The following G3BP2 variants were observed in gnomAD, a reference collection of about 807,000 sequenced individuals.
G3BP2 encodes G3BP stress granule assembly factor 2, also known as ras GTPase-activating protein-binding protein 2.
G3BP2 carries 11 observed loss-of-function variants against 56.7 expected under a neutral mutation model. The observed-to-expected ratio is 0.19, with a 90% confidence interval of 0.12 to 0.32. The LOEUF (loss-of-function observed/expected upper bound fraction) is 0.32, where lower values mean the gene tolerates loss of function less well. Ranked by LOEUF, G3BP2 falls within the 10% of genes least tolerant of loss-of-function variation. The probability of loss-of-function intolerance (pLI) is 1.00; values close to 1 mark genes in which losing one functional copy is unlikely to be tolerated. For synonymous variants in G3BP2, 165 were observed against 191.6 expected (o/e 0.86, Z 1.15); for missense variants, 340 against 610.9 (o/e 0.56, Z 4.67).
chr4:75,718,241 T>TC (rs933457233), intron 3 of G3BP2, among the ~76,000 whole-genome samples: 3 of 148,606 alleles, frequency 2.0e-5, no homozygotes, highest in African/African-American at 7.4e-5. Context: ...TTTCTTTCTT[T>TC]TTTTTTTTTA....
intron 1 of G3BP2, among the ~76,000 whole-genome samples, chr4:75,723,357 T>G (rs1720256248): frequency 6.6e-6 from 1 of 152,142 alleles, no homozygotes; most frequent in South Asian, 2.1e-4. Flanking sequence ...CACCCAAGGA[T>G]GGACTGGAGA....
intron 3 of G3BP2, among the ~76,000 whole-genome samples, chr4:75,709,438 A>C (rs965103720): frequency 7.6e-4 from 115 of 150,946 alleles, no homozygotes; most frequent in African/African-American, 2.8e-3. Flanking sequence ...AAAAAAAAAA[A>C]AAAACCTACT....
chr4:75,666,452 T>C (rs1733041276), intron 1 of G3BP2, among the ~76,000 whole-genome samples: 1 of 152,218 alleles, frequency 6.6e-6, no homozygotes, highest in South Asian at 2.1e-4. Flanking sequence ...CAAGATTTAC[T>C]GAGAGAACAG....
intron 2 of G3BP2, among the ~76,000 whole-genome samples, chr4:75,660,428 CTG>C (rs1732458557): frequency 6.6e-6 from 1 of 152,086 alleles, no homozygotes; most frequent in African/African-American, 2.4e-5. Context: ...CTACTCAAAA[CTG>C]GGCCTGAATA....
chr4:75,681,881 T>A (rs967263671), intron 3 of G3BP2, among the ~76,000 whole-genome samples: 4 of 151,002 alleles, frequency 2.6e-5, no homozygotes, highest in Non-Finnish European at 5.9e-5. Flanking sequence ...TATAACAATA[T>A]GCCAGCATCA....
At chr4:75,666,458 AAC>A (rs1343468379) in intron 1 of G3BP2, among the ~76,000 whole-genome samples, 1 of 152,204 alleles carries the variant, frequency 6.6e-6, no homozygotes, top group Non-Finnish European at 1.5e-5. Flanking sequence ...TTACTGAGAG[AAC>A]AGTGTTTCAA....
At chr4:75,645,953 G>A (rs1373925868) in intron 11 of G3BP2, among the ~76,000 whole-genome samples, 1 of 152,028 alleles carries the variant, frequency 6.6e-6, no homozygotes, top group Non-Finnish European at 1.5e-5. Flanking sequence ...TGGGATTATA[G>A]GTGTCTACCA....
chr4:75,721,407 T>A lies in G3BP2; in HGVS notation c.-117-438A>T, dbSNP rs1172979449. On this transcript the variant is annotated intron_variant, in intron 2 of 3. Coordinates refer to the G3BP2 transcript ENST00000499709. ...ACTACTGGCTGGGAATACAGGCGCATGCCACCATGCTCAGCTAATATTTTA... is the reference window on the plus strand; with the variant it reads ...ACTACTGGCTGGGAATACAGGCGCAAGCCACCATGCTCAGCTAATATTTTA... Among the ~76,000 whole-genome samples, 4 of 152,034 alleles carry A rather than the reference T, an allele frequency of 2.6e-5. No individual in the cohort carries two copies. The East Asian group carries it at 5.8e-4, about 22-fold the overall frequency.
chr4:75,657,101 T>G (rs1229495314), intron 4 of G3BP2, 87 bp from the exon 5 acceptor site: 1 of 639,954 alleles, frequency 1.6e-6, no homozygotes, highest in Non-Finnish European at 2.7e-6. Flanking sequence ...CAATTTCTCA[T>G]TTTAATACTA....
intron 3 of G3BP2, among the ~76,000 whole-genome samples, chr4:75,713,906 G>C (rs1719842134): frequency 6.6e-6 from 1 of 152,218 alleles, no homozygotes; most frequent in African/African-American, 2.4e-5. Flanking sequence ...TTCTAATTGT[G>C]AGGCAAGCTC....
intron 3 of G3BP2, among the ~76,000 whole-genome samples, chr4:75,706,427 G>C (rs1000330009): frequency 1.6e-4 from 24 of 152,142 alleles, no homozygotes; most frequent in African/African-American, 5.3e-4. Context: ...TGAATCCTGA[G>C]CTCTGCCACT....
Position 75,655,210 on chromosome 4 carries a change from A to G in G3BP2, c.582T>C (p.His194=), listed in dbSNP as rs144458072. 1.2e-5 allele frequency: 20 copies of G among 1,613,672 alleles called. No homozygotes were observed. In the African/African-American group the frequency reaches 2.7e-4, roughly 22 times the overall value. Residue 194 remains histidine (H), a synonymous_variant, in exon 7 of 12, where the codon CAT becomes CAC. Transcript: ENST00000359707. ...GIEEPLEESS[H]EPEPEPESET... ...CAGATTCTGGCTCAGGTTCAGGTTC[A>G]TGAGAGGATTCTTCCAAAGGCTCCT...
intron 3 of G3BP2, among the ~76,000 whole-genome samples, chr4:75,694,588 G>A (rs1255349184): frequency 2.0e-5 from 3 of 152,172 alleles, no homozygotes; most frequent in Non-Finnish European, 4.4e-5. Context: ...TGGACGACAG[G>A]GCGAGACTCC....
intron 3 of G3BP2, among the ~76,000 whole-genome samples, chr4:75,716,256 G>A (rs1025856714): frequency 1.3e-5 from 2 of 151,996 alleles, no homozygotes; most frequent in Non-Finnish European, 2.9e-5. Flanking sequence ...TGCAACCTCC[G>A]CCTCACAGGT....
At chr4:75,721,763 G>A (rs2149125700) in intron 2 of G3BP2, among the ~76,000 whole-genome samples, 1 of 152,208 alleles carries the variant, frequency 6.6e-6, no homozygotes, top group South Asian at 2.1e-4. Flanking sequence ...CCACTAGAAA[G>A]TTAAGTGGGC....
At chr4:75,656,878 G>A in intron 5 of G3BP2, 46 bp downstream of exon 5, 1 of 859,872 alleles carries the variant, frequency 1.2e-6, no homozygotes, top group Non-Finnish European at 2.0e-6. Context: ...TCCATAAAGA[G>A]TACCAACAGA....
intron 3 of G3BP2, among the ~76,000 whole-genome samples, chr4:75,704,909 A>T (rs1007874100): frequency 6.6e-6 from 1 of 152,250 alleles, no homozygotes. Context: ...CTAGGATTAC[A>T]GGCGTGAACC....
intron 2 of G3BP2, among the ~76,000 whole-genome samples, chr4:75,660,403 G>T (rs1232155138): frequency 6.6e-6 from 1 of 152,092 alleles, no homozygotes; most frequent in Non-Finnish European, 1.5e-5. Context: ...CATTCTAATA[G>T]AATGGTTGGG....
chr4:75,654,898 A>T (rs1578387754), intron 7 of G3BP2, 168 bp downstream of exon 7: 1 of 589,058 alleles, frequency 1.7e-6, no homozygotes, highest in African/African-American at 1.9e-5. Context: ...TTTGCGGGGC[A>T]GGGAAACAAT....
Sources: gnomAD v4.1 joint callset for allele counts (sites outside exome capture counted in the v4.1 genomes callset) on GRCh38, gnomAD v4.1.1 for gene constraint, MANE v1.5 for transcripts, NCBI Gene and HGNC (gene_info 2026-07-23, HGNC 2026-07-21) for gene names.